Variants in TMEM132D observed in about 807,000 individuals in gnomAD.
The protein encoded by TMEM132D is transmembrane protein 132D.
TMEM132D carries 21 observed loss-of-function variants against 62.3 expected under a neutral mutation model. That is an observed-to-expected ratio of 0.34 (90% CI 0.24 to 0.49). The LOEUF is 0.49. TMEM132D is among the 20% of genes least tolerant of loss of function. TMEM132D has a pLI of 0.99. For missense variants in TMEM132D, 1,346 were observed against 1,402.8 expected, an observed-to-expected ratio of 0.96 and a Z score of 0.65; for synonymous variants, 621 against 575.6, an observed-to-expected ratio of 1.08 and a Z score of -1.13.
chr12:129,253,456 G>T (rs1255634928), intron 4 of TMEM132D, among the ~76,000 whole-genome samples: 1 of 152,138 alleles, frequency 6.6e-6, no homozygotes, highest in East Asian at 1.9e-4. Flanking sequence ...AGAGACTGAG[G>T]TTAATTTCCA....
At chr12:129,889,673 A>G (rs1299667188) in intron 1 of TMEM132D, among the ~76,000 whole-genome samples, 1 of 152,242 alleles carries the variant, frequency 6.6e-6, no homozygotes, top group African/African-American at 2.4e-5. Flanking sequence ...CAGATTCTAA[A>G]GAAAGATCCT....
chr12:129,374,291 G>GAC (rs1870717299), intron 3 of TMEM132D, among the ~76,000 whole-genome samples: 1 of 151,896 alleles, frequency 6.6e-6, no homozygotes, highest in South Asian at 2.1e-4. Context: ...GAGAGAGAGA[G>GAC]AGAGATTGCC....
chr12:129,589,662 T>C (rs1878136232), intron 2 of TMEM132D, among the ~76,000 whole-genome samples: 1 of 152,220 alleles, frequency 6.6e-6, no homozygotes, highest in African/African-American at 2.4e-5. Context: ...TGATCTCCTT[T>C]GGTTGGCTGC....
At chr12:129,336,668 C>T (rs1458152167) in intron 4 of TMEM132D, among the ~76,000 whole-genome samples, 1 of 152,100 alleles carries the variant, frequency 6.6e-6, no homozygotes, top group Non-Finnish European at 1.5e-5. Context: ...AGAGAGGGCT[C>T]TTGTGGGACT....
rs1239988024 is a variant in TMEM132D, at chr12:129,426,331, C to T, written c.1116-88514G>A. Among the ~76,000 whole-genome samples, 3 of 152,176 alleles carry T rather than the reference C, an allele frequency of 2.0e-5. No homozygotes were observed. The East Asian group carries it at 5.8e-4, about 29-fold the overall frequency. On this transcript the variant is annotated intron_variant, in intron 3 of 8. Transcript: ENST00000422113. ...CCCTAATCAGACAAGCAAAACCTCT[C>T]CAGAAACCGCTGGGGAACTGTTTCC... is the stretch of plus-strand genomic sequence containing the variant.
chr12:129,361,302 T>A (rs1870241787), intron 3 of TMEM132D, among the ~76,000 whole-genome samples: 1 of 152,202 alleles, frequency 6.6e-6, no homozygotes, highest in East Asian at 1.9e-4. Context: ...CTTTCTAAGC[T>A]CATGTTGATA....
rs565820603 is a variant in TMEM132D at position 129,825,169 on chromosome 12, C to T, written c.79+78092G>A. ...GCTGGGATTACAGGCACAGGCCACC[C>T]GGGTAATTTTTGTATTTTTTTTTTT... is the stretch of plus-strand genomic sequence containing the variant. On this transcript the variant is annotated intron_variant, in intron 1 of 8. Transcript: ENST00000422113. Among the ~76,000 whole-genome samples, 23 of 150,896 alleles carry T rather than the reference C, an allele frequency of 1.5e-4. 1 individual carries two copies. In the South Asian group the frequency reaches 3.2e-3, roughly 21 times the overall value.
At position 129,537,659 on chromosome 12, in the gene TMEM132D, G is replaced by C. The variant is rs541493870; in HGVS notation, c.969-6454C>G. Among the ~76,000 whole-genome samples the C allele has an allele frequency of 5.0e-4, 76 of 152,310 alleles. 1 individual carries two copies. Among genetic ancestry groups the C allele is most frequent in the African/African-American group, 1.8e-3 (74 of 41,564 alleles). On this transcript the variant is annotated intron_variant, in intron 2 of 8. Coordinates refer to ENST00000422113, the MANE Select transcript of TMEM132D (RefSeq NM_133448.3). Reference sequence around the variant, plus strand: ...CCATTTTTGCTGTCTTGCTAACTGTGAGGCATTACAAGGGCTCTAAACGGA... The same window carrying C: ...CCATTTTTGCTGTCTTGCTAACTGTCAGGCATTACAAGGGCTCTAAACGGA...
At chr12:129,114,394 T>TCCTTCCC (rs1875821042) in intron 5 of TMEM132D, among the ~76,000 whole-genome samples, 57 of 146,388 alleles carry the variant, frequency 3.9e-4, no homozygotes, top group African/African-American at 1.3e-3. Flanking sequence ...AACTCCTTCC[T>TCCTTCCC]TCCTTCCCTC....
chr12:129,528,139 G>T (rs1454395433), intron 3 of TMEM132D, among the ~76,000 whole-genome samples: 1 of 152,080 alleles, frequency 6.6e-6, no homozygotes, highest in Non-Finnish European at 1.5e-5. Flanking sequence ...GAGGGTAGCA[G>T]GAAATTATAA....
At position 129,721,200 on chromosome 12, in the gene TMEM132D, G is replaced by T. The variant is rs192097137; in HGVS notation, c.80-20502C>A. 5.3e-5 allele frequency among the ~76,000 whole-genome samples: 8 copies of T among 152,272 alleles called. No individual in the cohort carries two copies. The East Asian group carries it at 1.6e-3, about 30-fold the overall frequency. On this transcript the variant is annotated intron_variant, in intron 1 of 8. Coordinates refer to ENST00000422113, the MANE Select transcript of TMEM132D (RefSeq NM_133448.3). ...GGGCACGTGTGTTTTCATCCTACTT[G>T]TACCGTTACAAAGGATAGCCACTCG...
chr12:129,795,122 C>T lies in TMEM132D; in HGVS notation c.80-94424G>A, dbSNP rs550870652. Among the ~76,000 whole-genome samples the T allele has an allele frequency of 1.7e-3, 262 of 152,314 alleles. 1 individual carries two copies. Among genetic ancestry groups the T allele is most frequent in the Middle Eastern group, 3.4e-3 (1 of 294 alleles). On this transcript the variant is annotated intron_variant, in intron 1 of 8. Coordinates refer to ENST00000422113, the MANE Select transcript of TMEM132D (RefSeq NM_133448.3). ...ACACTAAAAACCTCCTTACATTAAACACATTATTAACCACTTAACATGATA... is the reference window on the plus strand; with the variant it reads ...ACACTAAAAACCTCCTTACATTAAATACATTATTAACCACTTAACATGATA...
At chr12:129,578,926 C>G (rs572584890) in intron 2 of TMEM132D, among the ~76,000 whole-genome samples, 47 of 152,314 alleles carry the variant, frequency 3.1e-4, no homozygotes, top group African/African-American at 1.1e-3. Context: ...AAAACCCACA[C>G]AGACACACCT....
intron 2 of TMEM132D, among the ~76,000 whole-genome samples, chr12:129,681,907 ATGCT>A (rs1880786589): frequency 6.6e-6 from 1 of 152,144 alleles, no homozygotes; most frequent in Admixed American, 6.5e-5. Context: ...GTCTTTGTTG[ATGCT>A]AATGTGTTTT....
chr12:129,438,865 T>C (rs1872863142), intron 3 of TMEM132D, among the ~76,000 whole-genome samples: 1 of 152,176 alleles, frequency 6.6e-6, no homozygotes. Flanking sequence ...ATGAAAAGGA[T>C]CACTGAGACG....
At chr12:129,798,891 GT>G (rs1871649874) in intron 1 of TMEM132D, among the ~76,000 whole-genome samples, 1 of 152,202 alleles carries the variant, frequency 6.6e-6, no homozygotes, top group Non-Finnish European at 1.5e-5. Flanking sequence ...TCTACCAACT[GT>G]TTTTGCTTGG....
chr12:129,294,086 G>A (rs1881512896), intron 4 of TMEM132D, among the ~76,000 whole-genome samples: 3 of 152,330 alleles, frequency 2.0e-5, no homozygotes, highest in African/African-American at 2.4e-5. Flanking sequence ...GCATTTTTGT[G>A]TTTGTGGCAC....
At chr12:129,448,577 A>G (rs916981898) in intron 3 of TMEM132D, among the ~76,000 whole-genome samples, 3 of 152,186 alleles carry the variant, frequency 2.0e-5, no homozygotes, top group African/African-American at 7.2e-5. Context: ...TCAAAGCTGC[A>G]TGGTATTTTA....
At position 129,410,316 on chromosome 12, in the gene TMEM132D, C is replaced by T. The variant is rs117872041; in HGVS notation, c.1116-72499G>A. Among the ~76,000 whole-genome samples, 47 of 152,114 alleles carry T rather than the reference C, an allele frequency of 3.1e-4. 3 individuals are homozygous for T. The East Asian group carries it at 8.3e-3, about 27-fold the overall frequency. ...TTCTCACACTGATGATAAAGACATA[C>T]TCGAGACTGGGTAATTTAAAAAGAA... On this transcript the variant is annotated intron_variant, in intron 3 of 8. Transcript: ENST00000422113.
Sources: allele counts gnomAD v4.1 joint callset (sites outside exome capture counted in the v4.1 genomes callset), GRCh38; gene constraint gnomAD v4.1.1; transcripts MANE v1.5; gene names NCBI Gene and HGNC (gene_info 2026-07-23, HGNC 2026-07-21).